Variants in FAM171B observed in about 807,000 individuals in gnomAD.
FAM171B encodes the protein protein FAM171B.
Under a neutral mutation model 75.6 loss-of-function variants are expected in FAM171B, and 19 were observed. The ratio of observed to expected loss-of-function variants is 0.25; its 90% CI spans 0.18 to 0.37. The LOEUF is 0.37. FAM171B is among the 10% of genes least tolerant of loss of function. The pLI is 1.00. For synonymous variants in FAM171B, 367 were observed against 361.7 expected (o/e 1.01, Z -0.17); for missense variants, 848 against 982.4 (o/e 0.86, Z 1.83).
intron 1 of FAM171B, among the ~76,000 whole-genome samples, chr2:186,736,567 GGA>G (rs35704183): frequency 1.1e-3 from 113 of 104,606 alleles, no homozygotes; most frequent in African/African-American, 3.6e-3. Context: ...TGTGTGTGTG[GGA>G]GAGAGAGAGA....
chr2:186,698,512 A>T (rs1689612069), intron 1 of FAM171B, among the ~76,000 whole-genome samples: 1 of 152,052 alleles, frequency 6.6e-6, no homozygotes, highest in African/African-American at 2.4e-5. Flanking sequence ...ATTTGTTTTT[A>T]ATTTTTAATT....
At chr2:186,714,121 ATT>A (rs11458662) in intron 1 of FAM171B, among the ~76,000 whole-genome samples, 1 of 148,920 alleles carries the variant, frequency 6.7e-6, no homozygotes, top group Non-Finnish European at 1.5e-5. Flanking sequence ...AGCAGATGAA[ATT>A]TTTTTTTTTT....
chr2:186,705,915 A>G (rs975590976), intron 1 of FAM171B, among the ~76,000 whole-genome samples: 1 of 152,230 alleles, frequency 6.6e-6, no homozygotes, highest in East Asian at 1.9e-4. Context: ...ATTGATTCAT[A>G]TCTAGGTTTT....
At position 186,761,995 on chromosome 2, in the gene FAM171B, G is replaced by A. The variant is rs753173121; in HGVS notation, c.1653G>A (p.Pro551=). 1.3e-5 allele frequency: 21 copies of A among 1,613,414 alleles called. No homozygotes were observed. The highest frequency in any genetic ancestry group is 1.7e-4 in the Middle Eastern group (1 of 6,054). The change falls in exon 8 of 8, where the codon CCG becomes CCA. Residue 551 remains proline, a synonymous_variant. Transcript: ENST00000304698. ...AAACATCTGACCTTTTCTCCACACC[G>A]GAACAATTACATACTGCTAAGTCAG... ...ILQTSDLFST[P]EQLHTAKSAT... is the part of the protein sequence containing the mutation.
In FAM171B at chr2:186,737,361, TTCTC is replaced by T. The variant is rs530288496; in HGVS notation, c.239-2865_239-2862del. Among the ~76,000 whole-genome samples the T allele has an allele frequency of 2.9e-3, 440 of 152,340 alleles. 1 individual carries two copies. The highest frequency in any genetic ancestry group is 6.8e-3 in the Middle Eastern group (2 of 294). On this transcript the variant is annotated intron_variant, in intron 1 of 7. Transcript: ENST00000304698. ...CTCAACATATGTTAGTTTCTTTTCTTTCTCTTTTTTTAGGAGACAGGGTCATGCT... is the reference window on the plus strand; with the variant it reads ...CTCAACATATGTTAGTTTCTTTTCTTTTTTTTTAGGAGACAGGGTCATGCT...
rs1690609118 is a variant in FAM171B at position 186,761,188 on chromosome 2, C to A, written c.1088C>A (p.Thr363Lys). Residue 363 changes from threonine (T) to lysine (K), a missense_variant, in exon 7 of 8, where the codon ACA (threonine) becomes AAA (lysine). Coordinates refer to ENST00000304698, the MANE Select transcript of FAM171B (RefSeq NM_177454.4). ...TTTCTTACAGCCATATTAGGAGGAA[C>A]AATAGTCATTGTCATTGGATTTTTT... ...TVFLTAILGG[T>K]IVIVIGFFAV... The A allele has an allele frequency of 6.2e-7, 1 of 1,612,280 alleles. No homozygotes were observed. Among genetic ancestry groups the A allele is most frequent in the African/African-American group, 1.3e-5 (1 of 74,804 alleles).
chr2:186,729,380 C>T (rs148752269), intron 1 of FAM171B, among the ~76,000 whole-genome samples: 272 of 151,804 alleles, frequency 1.8e-3, no homozygotes, highest in Non-Finnish European at 2.8e-3. Flanking sequence ...AAAGCACCTC[C>T]GGCTGAAAAT....
In FAM171B at chr2:186,762,269, A is replaced by G. The variant is rs758704361; in HGVS notation, c.1927A>G (p.Met643Val). 1.4e-5 allele frequency: 22 copies of G among 1,613,554 alleles called. No individual in the cohort carries two copies. Among genetic ancestry groups the G allele is most frequent in the Middle Eastern group, 1.6e-4 (1 of 6,080 alleles). ...TGGAACACTAAATGAGGCTGTTGTA[A>G]TGACTCCATTTTCATCGGAACTTCA... ...VPGTLNEAVV[M>V]TPFSSELQGI... Residue 643 changes from methionine to valine, a missense_variant, in exon 8 of 8, where the codon ATG becomes GTG. By Grantham distance (21) the Met-to-Val change is conservative (BLOSUM62 1). Transcript: ENST00000304698. The surrounding 1 kb of genome is among the most constrained non-coding windows in gnomAD (Gnocchi z 4.0).
intron 4 of FAM171B, among the ~76,000 whole-genome samples, chr2:186,750,820 T>A (rs2105789670): frequency 6.6e-6 from 1 of 152,268 alleles, no homozygotes; most frequent in East Asian, 1.9e-4. Flanking sequence ...GGTACTATAG[T>A]GAGATGGGGT....
intron 1 of FAM171B, among the ~76,000 whole-genome samples, chr2:186,712,073 T>C (rs1397546242): frequency 6.6e-6 from 1 of 152,214 alleles, no homozygotes; most frequent in Non-Finnish European, 1.5e-5. Context: ...GTAAGTGCTC[T>C]ATAAAAGCAT....
At chr2:186,705,289 T>C (rs984268548) in intron 1 of FAM171B, among the ~76,000 whole-genome samples, 2 of 152,154 alleles carry the variant, frequency 1.3e-5, no homozygotes, top group Non-Finnish European at 2.9e-5. Flanking sequence ...GTCTTTGCCA[T>C]GGAAAGGGGT....
At chr2:186,748,956 G>A (rs1559091665) in intron 4 of FAM171B, among the ~76,000 whole-genome samples, 1 of 152,052 alleles carries the variant, frequency 6.6e-6, no homozygotes, top group Non-Finnish European at 1.5e-5. Context: ...AGTGGGAAAG[G>A]GTCAGAATGA....
intron 1 of FAM171B, among the ~76,000 whole-genome samples, chr2:186,709,507 C>G (rs1055716526): frequency 6.6e-6 from 1 of 152,160 alleles, no homozygotes; most frequent in Admixed American, 6.5e-5. Flanking sequence ...CTACTATGAG[C>G]TAGCAATTGG....
chr2:186,731,185 A>G (rs904748174), intron 1 of FAM171B, among the ~76,000 whole-genome samples: 1 of 152,224 alleles, frequency 6.6e-6, no homozygotes, highest in Admixed American at 6.5e-5. Flanking sequence ...AGTATCCTTT[A>G]TTTACAGTTG....
At position 186,761,711 on chromosome 2, in the gene FAM171B, C is replaced by T. The variant is rs1468292110; in HGVS notation, c.1369C>T (p.Arg457Trp). ...AGAAAGAGTTTCCATGGTAAAAACT[C>T]GGGACGATTTTAAAATCTACAATGA... The part of the protein sequence containing the change: ...TEERVSMVKT[R>W]DDFKIYNEDV... The change falls in exon 8 of 8, where the codon CGG becomes TGG. Residue 457 changes from arginine (R) to tryptophan (W), a missense_variant. Around this residue, in one of 3 missense-constraint regions of FAM171B, gnomAD observed 665 missense variants for 729.0 expected, o/e 0.91. Coordinates refer to ENST00000304698, the MANE Select transcript of FAM171B (RefSeq NM_177454.4). The T allele has an allele frequency of 3.7e-6, 6 of 1,612,860 alleles. No homozygotes were observed. The highest frequency in any genetic ancestry group is 4.5e-5 in the East Asian group (2 of 44,858).
At chr2:186,740,059 C>T (rs754717625) in intron 1 of FAM171B, among the ~76,000 whole-genome samples, 169 bp from the exon 2 acceptor site, 1 of 152,022 alleles carries the variant, frequency 6.6e-6, no homozygotes, top group Admixed American at 6.5e-5. Flanking sequence ...AAATTTATTT[C>T]GTTTTACAAA....
chr2:186,720,784 A>G (rs1030842360), intron 1 of FAM171B, among the ~76,000 whole-genome samples: 2 of 151,826 alleles, frequency 1.3e-5, no homozygotes, highest in African/African-American at 4.8e-5. Flanking sequence ...ACCCTGAGTT[A>G]ACCAGACATT....
intron 2 of FAM171B, among the ~76,000 whole-genome samples, chr2:186,741,737 C>T (rs1690291007): frequency 6.6e-6 from 1 of 152,094 alleles, no homozygotes; most frequent in African/African-American, 2.4e-5. Flanking sequence ...AAAATTACCT[C>T]GGTAACAATT....
intron 2 of FAM171B, 88 bp from the exon 3 acceptor site, chr2:186,743,395 T>C (rs1043630447): frequency 2.0e-5 from 17 of 841,914 alleles, no homozygotes; most frequent in African/African-American, 1.4e-4. Context: ...AACACACTTT[T>C]TGAGACTTGC....
Sources: allele counts gnomAD v4.1 joint callset (sites outside exome capture counted in the v4.1 genomes callset), GRCh38; gene constraint gnomAD v4.1.1; regional missense constraint gnomAD v4.1.1; non-coding constraint Gnocchi (gnomAD v3.1); transcripts MANE v1.5; gene names NCBI Gene and HGNC (gene_info 2026-07-23, HGNC 2026-07-21).